VSIG10: variants seen among roughly 807,000 people sequenced by gnomAD.
VSIG10 encodes V-set and immunoglobulin domain containing 10.
In VSIG10, 48 loss-of-function variants were observed where a neutral mutation model predicts 58.7. The observed-to-expected ratio is 0.82, with a 90% CI of 0.65 to 1.04. The LOEUF is 1.04. Ranked by LOEUF, VSIG10 falls within the 50% of genes least tolerant of loss-of-function variation. VSIG10 has a pLI of 0.00. For synonymous variants in VSIG10, 260 were observed against 267.1 expected, an observed-to-expected ratio of 0.97 and a Z score of 0.26; for missense variants, 628 against 670.0, an observed-to-expected ratio of 0.94 and a Z score of 0.69.
intron 2 of VSIG10, among the ~76,000 whole-genome samples, chr12:118,085,724 T>C (rs1306408174): frequency 6.8e-6 from 1 of 147,782 alleles, no homozygotes; most frequent in Non-Finnish European, 1.5e-5. Context: ...TAGCCAGGTG[T>C]GGTGATGCAC....
chr12:118,088,750 T>C (rs1026890791), intron 2 of VSIG10, among the ~76,000 whole-genome samples: 1 of 152,116 alleles, frequency 6.6e-6, no homozygotes, highest in Non-Finnish European at 1.5e-5. Flanking sequence ...CCCAGACGGC[T>C]CTGGTGTATT....
At position 118,079,609 on chromosome 12, in the gene VSIG10, G is replaced by A. The variant is rs1461549210; in HGVS notation, c.665-3C>T. 2 of 1,613,592 alleles carry A rather than the reference G, an allele frequency of 1.2e-6. No homozygotes were observed. The highest frequency in any genetic ancestry group is 1.1e-5 in the South Asian group (1 of 91,060). Reference sequence around the variant, plus strand: ...CTGGGGAGCTGATGGAGGGGGATCTGCAAAACACCAGAGGAAAGCATGGGC... The same window carrying A: ...CTGGGGAGCTGATGGAGGGGGATCTACAAAACACCAGAGGAAAGCATGGGC... On this transcript the variant is annotated splice_polypyrimidine_tract_variant and splice_region_variant and intron_variant, in intron 3 of 8. Transcript: ENST00000359236.
intron 5 of VSIG10, among the ~76,000 whole-genome samples, 169 bp from the exon 6 acceptor site, chr12:118,071,638 A>C (rs1365182519): frequency 6.6e-6 from 1 of 152,208 alleles, no homozygotes. Flanking sequence ...AACCTCAGAG[A>C]GTTTGTGGGG....
At chr12:118,091,988 TC>T (rs1371416099) in intron 2 of VSIG10, among the ~76,000 whole-genome samples, 1 of 152,090 alleles carries the variant, frequency 6.6e-6, no homozygotes, top group Non-Finnish European at 1.5e-5. Flanking sequence ...TGAACTGACC[TC>T]AGGTGATCTG....
chr12:118,089,687 G>A (rs1049673088), intron 2 of VSIG10, among the ~76,000 whole-genome samples: 25 of 152,100 alleles, frequency 1.6e-4, no homozygotes, highest in African/African-American at 5.6e-4. Context: ...TGTAATGGAC[G>A]ATGCCCTAAT....
chr12:118,094,992 C>T (rs966909784), intron 2 of VSIG10, among the ~76,000 whole-genome samples: 4 of 152,074 alleles, frequency 2.6e-5, no homozygotes, highest in Non-Finnish European at 5.9e-5. Context: ...CAACCTCCGC[C>T]TCCCAGGTTC....
chr12:118,091,133 TCAAA>T (rs200679864), intron 2 of VSIG10, among the ~76,000 whole-genome samples: 7 of 151,834 alleles, frequency 4.6e-5, no homozygotes, highest in African/African-American at 9.6e-5. Flanking sequence ...AGAATCTGTC[TCAAA>T]CAAACAAACA....
At position 118,081,229 on chromosome 12, in the gene VSIG10, G is replaced by C. The variant is rs1202944925; in HGVS notation, c.664+898C>G. On this transcript the variant is annotated intron_variant, in intron 3 of 8. Coordinates refer to ENST00000359236, the MANE Select transcript of VSIG10 (RefSeq NM_019086.6). ...CCACTGCACTCTAGCCTGGGTGACA[G>C]AGCGAGACTCGGTCTCAAAAAGAAA... 7.9e-5 allele frequency among the ~76,000 whole-genome samples: 12 copies of C among 152,242 alleles called. No individual in the cohort carries two copies. In the East Asian group the frequency reaches 2.3e-3, roughly 30 times the overall value.
At chr12:118,071,180 T>G in intron 6 of VSIG10, 113 bp from the exon 7 acceptor site, 1 of 1,312,638 alleles carries the variant, frequency 7.6e-7, no homozygotes, top group South Asian at 1.2e-5. Flanking sequence ...TGACTCAATA[T>G]GACAGGTGAT....
At chr12:118,085,868 A>T (rs893442212) in intron 2 of VSIG10, among the ~76,000 whole-genome samples, 1 of 138,230 alleles carries the variant, frequency 7.2e-6, no homozygotes, top group South Asian at 2.3e-4. Flanking sequence ...AAAAAAAAAA[A>T]AGTTGGGCCC....
At chr12:118,088,176 C>T (rs2033186177) in intron 2 of VSIG10, among the ~76,000 whole-genome samples, 1 of 144,058 alleles carries the variant, frequency 6.9e-6, no homozygotes, top group Admixed American at 7.3e-5. Context: ...ACCCGGGAGG[C>T]GGAGGCTGCA....
At chr12:118,096,793 C>T (rs2033473176) in intron 1 of VSIG10, among the ~76,000 whole-genome samples, 1 of 151,802 alleles carries the variant, frequency 6.6e-6, no homozygotes, top group African/African-American at 2.4e-5. Flanking sequence ...AATCCCAGCA[C>T]TTTGGGAGTC....
intron 1 of VSIG10, among the ~76,000 whole-genome samples, chr12:118,096,242 A>G (rs1031593351): frequency 2.1e-4 from 32 of 152,058 alleles, no homozygotes; most frequent in African/African-American, 7.5e-4. Flanking sequence ...AGACATCGAG[A>G]CCATCCTGGC....
Position 118,079,618 on chromosome 12 carries a change from C to G in VSIG10, c.665-12G>C, listed in dbSNP as rs1187550791. 1 of 1,613,210 alleles carries G rather than the reference C, an allele frequency of 6.2e-7. No individual in the cohort carries two copies. Among genetic ancestry groups the G allele is most frequent in the Non-Finnish European group, 8.5e-7 (1 of 1,179,520 alleles). ...TGATGGAGGGGGATCTGCAAAACAC[C>G]AGAGGAAAGCATGGGCTGAATCACA... On this transcript the variant is annotated splice_polypyrimidine_tract_variant and intron_variant, in intron 3 of 8. Coordinates refer to ENST00000359236, the MANE Select transcript of VSIG10 (RefSeq NM_019086.6).
At chr12:118,075,094 ATATATGTATATATGTG>A (rs2032660699) in intron 4 of VSIG10, among the ~76,000 whole-genome samples, 1 of 149,224 alleles carries the variant, frequency 6.7e-6, no homozygotes, top group Admixed American at 6.8e-5. Context: ...ATATATATGT[ATATATGTATATATGTG>A]TATATGTATA....
chr12:118,098,009 T>TA (rs1330488076), intron 1 of VSIG10, among the ~76,000 whole-genome samples: 22 of 152,130 alleles, frequency 1.4e-4, no homozygotes, highest in African/African-American at 5.3e-4. Flanking sequence ...AGCCTTCAGC[T>TA]AGTCATCGAT....
At chr12:118,080,592 A>G (rs2032913421) in intron 3 of VSIG10, among the ~76,000 whole-genome samples, 3 of 152,194 alleles carry the variant, frequency 2.0e-5, no homozygotes, top group Non-Finnish European at 4.4e-5. Context: ...CCCGGTGCCT[A>G]TGACAGCCAC....
chr12:118,067,047 T>TCCTATAA (rs1566151000), intron 8 of VSIG10, among the ~76,000 whole-genome samples: 178 of 152,202 alleles, frequency 1.2e-3, no homozygotes, highest in African/African-American at 4.2e-3. Flanking sequence ...TCCGGGCTCT[T>TCCTATAA]ATCTTTCTCT....
At chr12:118,098,006 A>AGC (rs1248274799) in intron 1 of VSIG10, among the ~76,000 whole-genome samples, 1 of 152,142 alleles carries the variant, frequency 6.6e-6, no homozygotes, top group Admixed American at 6.6e-5. Context: ...ATCAGCCTTC[A>AGC]GCTAGTCATC....
Sources: allele counts gnomAD v4.1 joint callset (sites outside exome capture counted in the v4.1 genomes callset), GRCh38; gene constraint gnomAD v4.1.1; transcripts MANE v1.5; gene names NCBI Gene and HGNC (gene_info 2026-07-23, HGNC 2026-07-21).